Variants in ROBO1 observed in about 807,000 individuals in gnomAD.
ROBO1 encodes roundabout guidance receptor 1.
Under a neutral mutation model 195.9 loss-of-function variants are expected in ROBO1, and 149 were observed. The ratio of observed to expected loss-of-function variants is 0.76; its 90% CI spans 0.67 to 0.87. ROBO1 has a LOEUF of 0.87. ROBO1 is among the 40% of genes least tolerant of loss of function. The probability of loss-of-function intolerance (pLI) is 0.00; values close to 1 mark genes in which losing one functional copy is unlikely to be tolerated. For missense variants in ROBO1, 1,933 were observed against 2,068.3 expected, an observed-to-expected ratio of 0.93 and a Z score of 1.27; for synonymous variants, 816 against 733.2, an observed-to-expected ratio of 1.11 and a Z score of -1.82.
intron 1 of ROBO1, among the ~76,000 whole-genome samples, chr3:79,644,275 C>T (rs1346980442): frequency 2.0e-5 from 3 of 152,022 alleles, no homozygotes; most frequent in African/African-American, 7.2e-5. Context: ...TTTCAACATT[C>T]CTCTCTCAGT....
At chr3:79,530,755 C>CCACACACACACACA (rs59568172) in intron 2 of ROBO1, among the ~76,000 whole-genome samples, 32 of 128,256 alleles carry the variant, frequency 2.5e-4, no homozygotes, top group Non-Finnish European at 4.1e-4. Flanking sequence ...CACCTTGTAA[C>CCACACACACACACA]CACACACACA....
At chr3:79,113,511 TAATCCCAGC>T (rs2079932019) in intron 3 of ROBO1, among the ~76,000 whole-genome samples, 1 of 152,104 alleles carries the variant, frequency 6.6e-6, no homozygotes, top group Admixed American at 6.6e-5. Context: ...CTCACGCTTG[TAATCCCAGC>T]ACTTTGGGAG....
intron 1 of ROBO1, among the ~76,000 whole-genome samples, chr3:79,607,819 CTCT>C (rs1944537553): frequency 6.6e-6 from 1 of 151,948 alleles, no homozygotes; most frequent in Non-Finnish European, 1.5e-5. Flanking sequence ...ACGTGCGTGG[CTCT>C]CCCTAGAGAG....
At chr3:78,724,218 T>C (rs1193880821) in intron 5 of ROBO1, among the ~76,000 whole-genome samples, 1 of 152,120 alleles carries the variant, frequency 6.6e-6, no homozygotes, top group Non-Finnish European at 1.5e-5. Flanking sequence ...AATGACTACA[T>C]TGAAATGGAT....
At chr3:79,512,144 G>T (rs1301796401) in intron 2 of ROBO1, among the ~76,000 whole-genome samples, 1 of 151,850 alleles carries the variant, frequency 6.6e-6, no homozygotes, top group Non-Finnish European at 1.5e-5. Flanking sequence ...ACTTTTTCAG[G>T]AAGACATTGA....
At chr3:79,685,811 A>G (rs1167286321) in intron 1 of ROBO1, among the ~76,000 whole-genome samples, 1 of 152,266 alleles carries the variant, frequency 6.6e-6, no homozygotes, top group East Asian at 1.9e-4. Flanking sequence ...AGCTGGTACC[A>G]TTACTTCTGA....
chr3:78,755,298 T>C (rs2082900529), intron 4 of ROBO1, among the ~76,000 whole-genome samples: 2 of 152,008 alleles, frequency 1.3e-5, no homozygotes, highest in African/African-American at 4.8e-5. Context: ...TGAGACACTG[T>C]CTCTACAAAA....
intron 2 of ROBO1, among the ~76,000 whole-genome samples, chr3:79,211,858 G>A (rs1410642190): frequency 1.3e-5 from 2 of 152,112 alleles, no homozygotes; most frequent in Non-Finnish European, 2.9e-5. Context: ...GAAATATAGC[G>A]GTGTGGAGTG....
At chr3:79,105,788 G>A (rs998036316) in intron 3 of ROBO1, among the ~76,000 whole-genome samples, 1 of 151,728 alleles carries the variant, frequency 6.6e-6, no homozygotes, top group Admixed American at 6.6e-5. Flanking sequence ...CATGCTATCA[G>A]CCTGAAAGAT....
At chr3:79,472,939 T>C (rs1186466718) in intron 2 of ROBO1, among the ~76,000 whole-genome samples, 1 of 152,112 alleles carries the variant, frequency 6.6e-6, no homozygotes, top group Non-Finnish European at 1.5e-5. Flanking sequence ...AAATTAGATA[T>C]TAGCTAGGTG....
At chr3:79,427,047 A>G (rs2038475534) in intron 2 of ROBO1, among the ~76,000 whole-genome samples, 1 of 152,188 alleles carries the variant, frequency 6.6e-6, no homozygotes, top group Admixed American at 6.5e-5. Context: ...CAGACTAAAT[A>G]GAACTTTGTG....
chr3:78,897,477 T>C (rs2037307355), intron 4 of ROBO1, among the ~76,000 whole-genome samples: 1 of 152,192 alleles, frequency 6.6e-6, no homozygotes, highest in South Asian at 2.1e-4. Context: ...GGTAGATATG[T>C]TCATCAGTTG....
At chr3:78,946,018 C>A (rs147397552) in intron 3 of ROBO1, among the ~76,000 whole-genome samples, 2 of 151,252 alleles carry the variant, frequency 1.3e-5, no homozygotes, top group African/African-American at 4.9e-5. Context: ...AATATAGGAC[C>A]ATGTGAAAAG....
At chr3:79,187,099 T>C (rs554915044) in intron 2 of ROBO1, among the ~76,000 whole-genome samples, 1 of 152,222 alleles carries the variant, frequency 6.6e-6, no homozygotes, top group Non-Finnish European at 1.5e-5. Context: ...GATCCAAAGG[T>C]ATCTAGTTAT....
At chr3:78,953,949 CCTAA>C (rs959747738) in intron 3 of ROBO1, among the ~76,000 whole-genome samples, 29 of 152,056 alleles carry the variant, frequency 1.9e-4, no homozygotes, top group African/African-American at 6.7e-4. Flanking sequence ...AGATTCTCCT[CCTAA>C]CTCTTTTCTG....
chr3:78,844,701 G>A (rs967974461), intron 4 of ROBO1, among the ~76,000 whole-genome samples: 3 of 152,004 alleles, frequency 2.0e-5, no homozygotes, highest in African/African-American at 7.2e-5. Context: ...CAAGTTTAAA[G>A]TCAAAATCTA....
At chr3:78,785,207 A>C (rs1257504330) in intron 4 of ROBO1, among the ~76,000 whole-genome samples, 2 of 152,332 alleles carry the variant, frequency 1.3e-5, no homozygotes, top group East Asian at 3.9e-4. Context: ...AACACATTGC[A>C]GTGAACTCAC....
intron 4 of ROBO1, among the ~76,000 whole-genome samples, chr3:78,771,209 T>C (rs1477125296): frequency 1.3e-5 from 2 of 152,224 alleles, no homozygotes; most frequent in East Asian, 3.8e-4. Flanking sequence ...TGGCTGTAGG[T>C]GCACGGCTTT....
chr3:79,685,389 G>A (rs1331053224), intron 1 of ROBO1, among the ~76,000 whole-genome samples: 1 of 152,124 alleles, frequency 6.6e-6, no homozygotes, highest in Non-Finnish European at 1.5e-5. Flanking sequence ...TCAGGAATAT[G>A]TGGAAGTTTT....
Sources: allele counts gnomAD v4.1 joint callset (sites outside exome capture counted in the v4.1 genomes callset), GRCh38; gene constraint gnomAD v4.1.1; transcripts MANE v1.5; gene names NCBI Gene and HGNC (gene_info 2026-07-23, HGNC 2026-07-21).